Variants in INPP5A observed in about 807,000 individuals in gnomAD.
INPP5A encodes inositol polyphosphate-5-phosphatase A.
In INPP5A, 14 loss-of-function variants were observed where a neutral mutation model predicts 65.2. That is an observed-to-expected ratio of 0.21 (90% CI 0.14 to 0.34). The LOEUF (loss-of-function observed/expected upper bound fraction) is 0.34. INPP5A is among the 10% of genes least tolerant of loss of function. The pLI, the probability that INPP5A is intolerant of heterozygous loss-of-function variation, is 1.00. For missense variants in INPP5A, 431 were observed against 545.6 expected (o/e 0.79, Z 2.09); for synonymous variants, 207 against 208.3 (o/e 0.99, Z 0.05).
In INPP5A at chr10:132,555,646, C is replaced by G. The variant is rs1035235265; in HGVS notation, c.75+17475C>G. 9.9e-5 allele frequency among the ~76,000 whole-genome samples: 15 copies of G among 152,240 alleles called. No individual in the cohort carries two copies. The highest frequency in any genetic ancestry group is 3.6e-4 in the African/African-American group (15 of 41,524). On this transcript the variant is annotated intron_variant, in intron 1 of 15. Coordinates refer to ENST00000368594, the MANE Select transcript of INPP5A (RefSeq NM_005539.5). The surrounding 1 kb of genome is among the most constrained non-coding windows in gnomAD (Gnocchi z 4.4). ...CTTCTATCCTATCAGGGAGAGAGTT[C>G]AAGTGTATCCTAGCGTCTTGGAGAA...
At chr10:132,643,731 A>T (rs2072456958) in intron 2 of INPP5A, among the ~76,000 whole-genome samples, 1 of 152,116 alleles carries the variant, frequency 6.6e-6, no homozygotes, top group South Asian at 2.1e-4. Context: ...CAAGGCCAGG[A>T]GCTCTGGCAT....
At chr10:132,596,989 A>G (rs1417212587) in intron 1 of INPP5A, among the ~76,000 whole-genome samples, 1 of 136,384 alleles carries the variant, frequency 7.3e-6, no homozygotes, top group African/African-American at 3.0e-5. Flanking sequence ...GTGTGCATGC[A>G]CGTGTGTTTG....
At chr10:132,712,770 GTGTGTGCA>G (rs887379239) in intron 8 of INPP5A, among the ~76,000 whole-genome samples, 5 of 151,888 alleles carry the variant, frequency 3.3e-5, no homozygotes, top group East Asian at 1.9e-4. Context: ...GTGTATTTGG[GTGTGTGCA>G]TGTGTGCAGG....
chr10:132,741,350 G>A lies in INPP5A; in HGVS notation c.733-8167G>A, dbSNP rs1424465816. On this transcript the variant is annotated intron_variant, in intron 9 of 15. Transcript: ENST00000368594. This position sits in a 1 kb window ranked among gnomAD's most constrained non-coding sequence, Gnocchi z 4.4. ...TAACAGTGGGCAGCTCCGTGTCTGT[G>A]GGTCACAAGTGGTTGGTCTCAGTCT... is the stretch of plus-strand genomic sequence containing the variant. 1.3e-5 allele frequency among the ~76,000 whole-genome samples: 2 copies of A among 152,240 alleles called. No homozygotes were observed. Among genetic ancestry groups the A allele is most frequent in the Non-Finnish European group, 2.9e-5 (2 of 68,048 alleles).
At chr10:132,692,048 G>T (rs1375835250) in intron 5 of INPP5A, among the ~76,000 whole-genome samples, 1 of 152,186 alleles carries the variant, frequency 6.6e-6, no homozygotes, top group Non-Finnish European at 1.5e-5. Flanking sequence ...CGCAGTCGGG[G>T]GGCCTCGGGC....
intron 1 of INPP5A, among the ~76,000 whole-genome samples, chr10:132,559,193 G>A (rs747305740): frequency 2.0e-5 from 3 of 152,172 alleles, no homozygotes; most frequent in African/African-American, 7.2e-5. Context: ...CGGGGCCGTC[G>A]GTGGCTTCGG....
At chr10:132,777,458 T>C (rs1847083350) in intron 12 of INPP5A, among the ~76,000 whole-genome samples, 1 of 152,270 alleles carries the variant, frequency 6.6e-6, no homozygotes, top group African/African-American at 2.4e-5. Flanking sequence ...TACTGTGCTA[T>C]AGCTAAAATT....
At chr10:132,696,967 A>C (rs747713319) in intron 5 of INPP5A, among the ~76,000 whole-genome samples, 1 of 152,222 alleles carries the variant, frequency 6.6e-6, no homozygotes, top group African/African-American at 2.4e-5. Context: ...TCCTCCTGCC[A>C]TAGTGGGGTG....
chr10:132,582,668 G>T (rs574344030), intron 1 of INPP5A, among the ~76,000 whole-genome samples: 87 of 152,288 alleles, frequency 5.7e-4, no homozygotes, highest in African/African-American at 2.0e-3. Flanking sequence ...CAGCCCTCCT[G>T]CATCGAACTC....
chr10:132,718,985 C>T (rs555784937), intron 8 of INPP5A, among the ~76,000 whole-genome samples: 29 of 144,064 alleles, frequency 2.0e-4, no homozygotes, highest in South Asian at 1.1e-3. Context: ...TTCTGTGGTA[C>T]CTGGGTTCTG....
At chr10:132,771,354 C>G (rs1296399529) in intron 12 of INPP5A, among the ~76,000 whole-genome samples, 3 of 152,232 alleles carry the variant, frequency 2.0e-5, no homozygotes, top group Non-Finnish European at 4.4e-5. Flanking sequence ...GGGATTGACC[C>G]TGGGAGAGAC....
intron 8 of INPP5A, among the ~76,000 whole-genome samples, chr10:132,715,089 T>A (rs1378565711): frequency 6.6e-6 from 1 of 152,182 alleles, no homozygotes; most frequent in Non-Finnish European, 1.5e-5. Flanking sequence ...CCGGTCCCTC[T>A]CCTGGACACA....
At chr10:132,757,986 C>A (rs78710798) in intron 11 of INPP5A, among the ~76,000 whole-genome samples, 1 of 145,490 alleles carries the variant, frequency 6.9e-6, no homozygotes, top group Admixed American at 6.8e-5. Context: ...CAGGCCAGTG[C>A]AATGTTGTGG....
At position 132,701,907 on chromosome 10, in the gene INPP5A, C is replaced by T. The variant is rs144605243; in HGVS notation, c.474+3988C>T. ...GGAGGTCTTCAGGCCCCAGTTTCCT[C>T]GCTGGGGAAATGAGGGTGGTACCTG... On this transcript the variant is annotated intron_variant, in intron 6 of 15. Transcript: ENST00000368594. 2.8e-3 allele frequency among the ~76,000 whole-genome samples: 424 copies of T among 152,366 alleles called. 2 individuals carry two copies. The highest frequency in any genetic ancestry group is 9.5e-3 in the African/African-American group (397 of 41,582).
intron 8 of INPP5A, among the ~76,000 whole-genome samples, chr10:132,711,111 G>A (rs111734827): frequency 0.021 from 3,172 of 152,296 alleles, 109 homozygotes; most frequent in African/African-American, 0.071. Context: ...ATAAGAAAAC[G>A]GTGCCATGGG....
chr10:132,657,230 C>T (rs904787589), intron 4 of INPP5A, among the ~76,000 whole-genome samples: 1 of 152,226 alleles, frequency 6.6e-6, no homozygotes, highest in Non-Finnish European at 1.5e-5. Context: ...CGCTGGTCAC[C>T]AACCGGGGGC....
intron 4 of INPP5A, among the ~76,000 whole-genome samples, chr10:132,660,573 G>A (rs2072722260): frequency 6.6e-6 from 1 of 152,242 alleles, no homozygotes; most frequent in Non-Finnish European, 1.5e-5. Flanking sequence ...TGAGGCACCT[G>A]TGTCAGCAAC....
At chr10:132,718,277 T>A (rs1191247990) in intron 8 of INPP5A, among the ~76,000 whole-genome samples, 8 of 142,084 alleles carry the variant, frequency 5.6e-5, no homozygotes, top group Non-Finnish European at 3.1e-5. Flanking sequence ...GTACCTGGGT[T>A]CTTTCTGGGG....
At position 132,705,970 on chromosome 10, in the gene INPP5A, G is replaced by A. The variant is rs555276502; in HGVS notation, c.475-2343G>A. 4.6e-5 allele frequency among the ~76,000 whole-genome samples: 7 copies of A among 152,338 alleles called. No homozygotes were observed. Among genetic ancestry groups the A allele is most frequent in the Non-Finnish European group, 5.9e-5 (4 of 68,034 alleles). On this transcript the variant is annotated intron_variant, in intron 6 of 15. Coordinates refer to ENST00000368594, the MANE Select transcript of INPP5A (RefSeq NM_005539.5). This position sits in a 1 kb window ranked among gnomAD's most constrained non-coding sequence, Gnocchi z 4.9. ...GGAAAAGCTGACAGACTTTAAGTAT[G>A]TTTAAATTGCTCAAAGAGATAAGTG...
Sources: allele counts gnomAD v4.1 joint callset (sites outside exome capture counted in the v4.1 genomes callset), GRCh38; gene constraint gnomAD v4.1.1; non-coding constraint Gnocchi (gnomAD v3.1); transcripts MANE v1.5; gene names NCBI Gene and HGNC (gene_info 2026-07-23, HGNC 2026-07-21).